Variants in ITGB3BP observed in about 807,000 individuals in gnomAD.
ITGB3BP encodes integrin subunit beta 3 binding protein.
Under a neutral mutation model 29.1 loss-of-function variants are expected in ITGB3BP, and 27 were observed. That is an observed-to-expected ratio of 0.93 (90% CI 0.68 to 1.28). The LOEUF is 1.28. Among genes scored for constraint, ITGB3BP ranks in the 50% most tolerant of loss-of-function variants. The probability of loss-of-function intolerance (pLI) is 0.00; values close to 1 mark genes in which losing one functional copy is unlikely to be tolerated. For missense variants in ITGB3BP, 192 were observed against 200.2 expected (o/e 0.96, Z 0.25); for synonymous variants, 61 against 61.4 (o/e 0.99, Z 0.03).
intron 2 of ITGB3BP, among the ~76,000 whole-genome samples, chr1:63,528,758 A>C (rs1215456742): frequency 6.6e-6 from 1 of 152,096 alleles, no homozygotes; most frequent in African/African-American, 2.4e-5. Context: ...TAAGGAAGAA[A>C]TTTTGCAGGA....
At chr1:63,489,231 TA>T (rs771801556) in intron 3 of ITGB3BP, among the ~76,000 whole-genome samples, 48 of 151,858 alleles carry the variant, frequency 3.2e-4, no homozygotes, top group Non-Finnish European at 5.6e-4. Flanking sequence ...ACAAATCAGG[TA>T]AAATGAGACT....
At chr1:63,456,758 C>T (rs1301626400) in intron 4 of ITGB3BP, among the ~76,000 whole-genome samples, 2 of 152,080 alleles carry the variant, frequency 1.3e-5, no homozygotes, top group Non-Finnish European at 2.9e-5. Flanking sequence ...GATTAGGTCC[C>T]GCAGGACTGC....
At chr1:63,518,473 A>G (rs958825001) in intron 1 of ITGB3BP, among the ~76,000 whole-genome samples, 1 of 151,884 alleles carries the variant, frequency 6.6e-6, no homozygotes, top group African/African-American at 2.4e-5. Flanking sequence ...CATTTTGGAT[A>G]TTGATAGTTT....
upstream of ITGB3BP, chr1:63,523,310 G>T: frequency 1.3e-6 from 1 of 766,040 alleles, no homozygotes; most frequent in South Asian, 1.6e-5. Context: ...GGGTGTGCGC[G>T]AGCAAAGGAG....
At chr1:63,496,551 C>T (rs536714132) in intron 2 of ITGB3BP, among the ~76,000 whole-genome samples, 2 of 152,196 alleles carry the variant, frequency 1.3e-5, no homozygotes, top group African/African-American at 4.8e-5. Flanking sequence ...TATTTTTATA[C>T]TTTGTTGTGA....
rs555113694 is a variant in ITGB3BP, at chr1:63,495,945, C to A, written c.49-5727G>T. 1.1e-4 allele frequency among the ~76,000 whole-genome samples: 17 copies of A among 152,186 alleles called. No individual in the cohort carries two copies. The East Asian group carries it at 2.1e-3, about 19-fold the overall frequency. On this transcript the variant is annotated intron_variant, in intron 2 of 8. Coordinates refer to ENST00000271002, the MANE Select transcript of ITGB3BP (RefSeq NM_014288.5). Reference sequence around the variant, plus strand: ...CAGGTAGATTAGGGCAGGGCTTTTCCATGTGTCTACTCATAACCCATTCTT... The same window carrying A: ...CAGGTAGATTAGGGCAGGGCTTTTCAATGTGTCTACTCATAACCCATTCTT...
intron 1 of ITGB3BP, among the ~76,000 whole-genome samples, chr1:63,513,084 T>G (rs892774262): frequency 2.0e-5 from 3 of 152,218 alleles, no homozygotes; most frequent in Admixed American, 6.5e-5. Context: ...TTGAGGCACT[T>G]GATCTTGATG....
In ITGB3BP at chr1:63,446,815, AAATG is replaced by A; in HGVS notation, c.522_525del (p.Ile175Ter). ...AAAGGTGAAACAGTACCTCAGTTTA[AAATG>A]GCTTTAAGGAATTCATAGCTGTCAA... On this transcript the variant is annotated frameshift_variant, in exon 8 of 9. Coordinates refer to ENST00000271002, the MANE Select transcript of ITGB3BP (RefSeq NM_014288.5). LOFTEE classifies it high-confidence loss of function. 6.2e-7 allele frequency: 1 copy of A among 1,609,650 alleles called. No individual in the cohort carries two copies. The highest frequency in any genetic ancestry group is 1.1e-5 in the South Asian group (1 of 90,912).
chr1:63,441,113 A>ATTT lies in ITGB3BP; in HGVS notation c.*2-11_*2-10insAAA, dbSNP rs1444591868. On this transcript the variant is annotated splice_polypyrimidine_tract_variant and intron_variant, in intron 8 of 8. Transcript: ENST00000271002. ...CATTTCTTCTTAATGCCTGTGAGAT[A>ATTT]TAAAAGATAATTATATTATCAAGAA... 2.0e-5 allele frequency: 3 copies of ATTT among 152,414 alleles called. No homozygotes were observed. The highest frequency in any genetic ancestry group is 6.5e-5 in the Admixed American group (1 of 15,288). 9.4% of individuals were successfully genotyped at this position (152,414 alleles called of 1,614,324 possible). A position where few individuals can be genotyped will look rare whatever the true frequency, so the allele number is the denominator to read the frequency against.
chr1:63,524,624 G>C (rs1646548259), upstream of ITGB3BP, among the ~76,000 whole-genome samples: 1 of 152,152 alleles, frequency 6.6e-6, no homozygotes, highest in Non-Finnish European at 1.5e-5. Context: ...AGAAGTCAAA[G>C]CTGGGTAGAG....
intron 4 of ITGB3BP, among the ~76,000 whole-genome samples, chr1:63,473,561 GA>G (rs1363480105): frequency 1.8e-4 from 23 of 124,436 alleles, no homozygotes; most frequent in African/African-American, 6.5e-4. Flanking sequence ...CCCCATCTGG[GA>G]GGGGGGAGGG....
At position 63,454,349 on chromosome 1, in the gene ITGB3BP, T is replaced by C; in HGVS notation, c.427+31A>G. ...CAAATTAATAGGTTTATCTTTAAAA[T>C]TACTGTCATTGAAAACTCAAAAATT... On this transcript the variant is annotated intron_variant, in intron 6 of 8. Transcript: ENST00000271002. The surrounding 1 kb of genome is among the most constrained non-coding windows in gnomAD (Gnocchi z 4.1). 9.1e-7 allele frequency: 1 copy of C among 1,098,038 alleles called. No individual in the cohort carries two copies. The highest frequency in any genetic ancestry group is 1.4e-6 in the Non-Finnish European group (1 of 725,082). The allele number at this position is 1,098,038 out of a possible 1,614,324, so 68.0% of individuals were successfully genotyped here.
chr1:63,494,999 G>T (rs1313341236), intron 2 of ITGB3BP, among the ~76,000 whole-genome samples: 1 of 151,998 alleles, frequency 6.6e-6, no homozygotes, highest in Non-Finnish European at 1.5e-5. Context: ...TAGAGACAGG[G>T]TCTTACTACA....
At chr1:63,474,879 G>C (rs1226827024) in intron 4 of ITGB3BP, among the ~76,000 whole-genome samples, 1 of 112,880 alleles carries the variant, frequency 8.9e-6, no homozygotes, top group Non-Finnish European at 1.8e-5. Flanking sequence ...AAACACCCAA[G>C]AATGATCAAT....
chr1:63,455,942 TA>T (rs1644929922), intron 4 of ITGB3BP, among the ~76,000 whole-genome samples: 1 of 152,144 alleles, frequency 6.6e-6, no homozygotes. Context: ...ATAATGAATA[TA>T]AAAATTATTG....
intron 7 of ITGB3BP, among the ~76,000 whole-genome samples, chr1:63,452,305 T>C (rs1211577320): frequency 6.6e-6 from 1 of 152,240 alleles, no homozygotes. Context: ...ATATTAAGCC[T>C]AATTCTAGTT....
At chr1:63,499,025 G>A (rs1645858506) in intron 2 of ITGB3BP, among the ~76,000 whole-genome samples, 1 of 152,082 alleles carries the variant, frequency 6.6e-6, no homozygotes, top group South Asian at 2.1e-4. Context: ...TAACATACCA[G>A]GATTGAATTA....
upstream of ITGB3BP, among the ~76,000 whole-genome samples, chr1:63,524,187 A>T (rs1445035654): frequency 6.6e-6 from 1 of 152,202 alleles, no homozygotes; most frequent in Non-Finnish European, 1.5e-5. Flanking sequence ...CCTAAAATAT[A>T]CTTATATTTT....
At chr1:63,485,735 CTG>C (rs754541392) in intron 3 of ITGB3BP, among the ~76,000 whole-genome samples, 3 of 152,086 alleles carry the variant, frequency 2.0e-5, no homozygotes, top group Admixed American at 6.6e-5. Context: ...AAAAACTCAA[CTG>C]TGATTCTTAA....
Sources: allele counts gnomAD v4.1 joint callset (sites outside exome capture counted in the v4.1 genomes callset), GRCh38; gene constraint gnomAD v4.1.1; non-coding constraint Gnocchi (gnomAD v3.1); transcripts MANE v1.5; gene names NCBI Gene and HGNC (gene_info 2026-07-23, HGNC 2026-07-21).